The following CTNNBL1 variants were observed in gnomAD, a reference collection of about 807,000 sequenced individuals.
The protein encoded by CTNNBL1 is catenin beta like 1.
CTNNBL1 carries 31 observed loss-of-function variants against 72.7 expected under a neutral mutation model. The ratio of observed to expected loss-of-function variants is 0.43; its 90% CI spans 0.32 to 0.58. The LOEUF (loss-of-function observed/expected upper bound fraction) is 0.58. CTNNBL1 is among the 20% of genes least tolerant of loss of function. The pLI, the probability that CTNNBL1 is intolerant of heterozygous loss-of-function variation, is 0.08. For missense variants in CTNNBL1, 534 were observed against 725.1 expected (o/e 0.74, Z 3.03); for synonymous variants, 240 against 267.3 (o/e 0.90, Z 1.00).
intron 1 of CTNNBL1, among the ~76,000 whole-genome samples, chr20:37,718,197 C>A (rs1233447733): frequency 1.3e-5 from 2 of 151,052 alleles, no homozygotes; most frequent in Admixed American, 6.6e-5. Context: ...GGCAGAGGCG[C>A]CCCTCACCTC....
At chr20:37,759,112 C>A (rs2073392478) in intron 5 of CTNNBL1, among the ~76,000 whole-genome samples, 2 of 152,174 alleles carry the variant, frequency 1.3e-5, no homozygotes, top group Non-Finnish European at 2.9e-5. Flanking sequence ...TTTCTATGGC[C>A]ATTTTTCTTT....
chr20:37,871,945 G>A lies in CTNNBL1; in HGVS notation c.1624G>A (p.Asp542Asn). The part of the protein sequence containing the change: ...IIKEYAENIG[D>N]GRSPEFRENE... ...CCTAGAGTATGCAGAGAACATCGGG[G>A]ACGGCCGGAGCCCGGAGTTCCGGGA... The change falls in exon 16 of 16, where the codon GAC (aspartate) becomes AAC (asparagine). Residue 542 changes from aspartate to asparagine, a missense_variant. Transcript: ENST00000361383. 1 of 1,614,118 alleles carries A rather than the reference G, an allele frequency of 6.2e-7. No homozygotes were observed. The highest frequency in any genetic ancestry group is 1.1e-5 in the South Asian group (1 of 91,080).
intron 11 of CTNNBL1, among the ~76,000 whole-genome samples, chr20:37,830,279 A>G (rs192906383): frequency 3.8e-4 from 58 of 152,340 alleles, no homozygotes; most frequent in East Asian, 3.3e-3. Flanking sequence ...ATCATCTCAC[A>G]TAGCATTTTC....
intron 1 of CTNNBL1, among the ~76,000 whole-genome samples, chr20:37,704,584 G>A (rs1392698675): frequency 1.3e-5 from 2 of 151,960 alleles, no homozygotes; most frequent in Non-Finnish European, 2.9e-5. Flanking sequence ...GGAGGTGCGC[G>A]CTTATAATCC....
chr20:37,833,814 A>G (rs1444443620), intron 11 of CTNNBL1, among the ~76,000 whole-genome samples: 1 of 152,206 alleles, frequency 6.6e-6, no homozygotes, highest in Non-Finnish European at 1.5e-5. Flanking sequence ...TCCTTGGTGC[A>G]TGAAAAATTG....
intron 11 of CTNNBL1, among the ~76,000 whole-genome samples, chr20:37,829,109 G>T (rs1376535295): frequency 1.3e-5 from 2 of 152,100 alleles, no homozygotes; most frequent in East Asian, 1.9e-4. Flanking sequence ...TGTCCATCTG[G>T]GGGGCAGGGG....
At chr20:37,805,000 A>G (rs908427408) in intron 11 of CTNNBL1, among the ~76,000 whole-genome samples, 1 of 152,226 alleles carries the variant, frequency 6.6e-6, no homozygotes, top group Non-Finnish European at 1.5e-5. Context: ...CAGAGAGCAG[A>G]AGTGAACTCC....
At chr20:37,825,588 T>A (rs914374556) in intron 11 of CTNNBL1, among the ~76,000 whole-genome samples, 3 of 152,096 alleles carry the variant, frequency 2.0e-5, no homozygotes, top group Admixed American at 2.0e-4. Flanking sequence ...GGCAGGAGAA[T>A]TGCTTGAACC....
chr20:37,742,404 C>G (rs1174513594), intron 3 of CTNNBL1, among the ~76,000 whole-genome samples: 1 of 152,214 alleles, frequency 6.6e-6, no homozygotes, highest in East Asian at 1.9e-4. Flanking sequence ...AAGAAATTGT[C>G]TCTGGCAGAA....
At chr20:37,855,329 T>A (rs2122848974) in intron 13 of CTNNBL1, among the ~76,000 whole-genome samples, 1 of 152,272 alleles carries the variant, frequency 6.6e-6, no homozygotes, top group Non-Finnish European at 1.5e-5. Flanking sequence ...CAAATAGACT[T>A]AGTCCAGCCT....
At chr20:37,779,393 C>T in intron 10 of CTNNBL1, 58 bp downstream of exon 10, 1 of 1,579,306 alleles carries the variant, frequency 6.3e-7, no homozygotes, top group Non-Finnish European at 8.7e-7. Flanking sequence ...CACTGTTAGC[C>T]TGAATTCAAG....
intron 11 of CTNNBL1, among the ~76,000 whole-genome samples, chr20:37,818,218 G>A (rs903259959): frequency 3.3e-5 from 5 of 152,142 alleles, no homozygotes; most frequent in Non-Finnish European, 7.3e-5. Flanking sequence ...TTAGATCCTG[G>A]GAGACAGTGA....
chr20:37,694,780 C>T (rs1318994291), intron 1 of CTNNBL1: 1 of 152,186 alleles, frequency 6.6e-6, no homozygotes, highest in Non-Finnish European at 1.5e-5. Flanking sequence ...CAGGGTCCCC[C>T]TTGCCTAGGA....
chr20:37,756,999 A>G (rs1400274549), intron 4 of CTNNBL1: 1 of 152,178 alleles, frequency 6.6e-6, no homozygotes, highest in South Asian at 2.1e-4. Context: ...TAAATTCTGT[A>G]TTCTTCCTTT....
rs1345332268 is a variant in CTNNBL1 at position 37,711,002 on chromosome 20, T to C, written c.30+16850T>C. 2.0e-5 allele frequency among the ~76,000 whole-genome samples: 3 copies of C among 151,952 alleles called. 1 individual carries two copies. The highest frequency in any genetic ancestry group is 4.4e-5 in the Non-Finnish European group (3 of 67,982). On this transcript the variant is annotated intron_variant, in intron 1 of 15. Transcript: ENST00000361383. ...GTGCTCTGTGGCTCCCAACCCAGAGTCTATTATTAAGGGCTCTGCATGGTT... is the reference window on the plus strand; with the variant it reads ...GTGCTCTGTGGCTCCCAACCCAGAGCCTATTATTAAGGGCTCTGCATGGTT...
At chr20:37,777,797 A>G (rs2073589461) in intron 9 of CTNNBL1, 85 bp downstream of exon 9, 4 of 1,381,066 alleles carry the variant, frequency 2.9e-6, no homozygotes, top group South Asian at 1.2e-5. Context: ...GTGGGAAGGA[A>G]TAAGCCATGT....
chr20:37,750,526 A>G (rs1000714066), intron 4 of CTNNBL1: 4 of 152,208 alleles, frequency 2.6e-5, no homozygotes, highest in Non-Finnish European at 5.9e-5. Context: ...CCAAAGGTAC[A>G]TTTAAAGATA....
intron 9 of CTNNBL1, 107 bp from the exon 10 acceptor site, chr20:37,779,080 C>T: frequency 1.9e-6 from 2 of 1,053,142 alleles, no homozygotes; most frequent in African/African-American, 1.6e-5. Context: ...GCTTCTGTTT[C>T]CTCAGTCGTA....
chr20:37,857,605 T>C (rs921155517), intron 13 of CTNNBL1, among the ~76,000 whole-genome samples: 2 of 151,998 alleles, frequency 1.3e-5, no homozygotes, highest in Non-Finnish European at 2.9e-5. Flanking sequence ...AATAAAGAAG[T>C]GCATTATCTG....
Sources: gnomAD v4.1 joint callset for allele counts (sites outside exome capture counted in the v4.1 genomes callset) on GRCh38, gnomAD v4.1.1 for gene constraint, MANE v1.5 for transcripts, NCBI Gene and HGNC (gene_info 2026-07-23, HGNC 2026-07-21) for gene names.